Variants in ABHD2 observed in about 807,000 individuals in gnomAD.
The protein encoded by ABHD2 is abhydrolase domain containing 2, acylglycerol lipase, also known as monoacylglycerol lipase ABHD2.
ABHD2 carries 20 observed loss-of-function variants against 48.1 expected under a neutral mutation model. The observed-to-expected ratio is 0.42, with a 90% CI of 0.29 to 0.60. ABHD2 has a LOEUF of 0.60. Ranked by LOEUF, ABHD2 falls within the 20% of genes least tolerant of loss-of-function variation. The probability of loss-of-function intolerance (pLI) is 0.24; values close to 1 mark genes in which losing one functional copy is unlikely to be tolerated. For synonymous variants in ABHD2, 209 were observed against 214.2 expected (o/e 0.98, Z 0.21); for missense variants, 405 against 550.9 (o/e 0.74, Z 2.65).
chr15:89,147,269 AG>A (rs2050507771), intron 3 of ABHD2, among the ~76,000 whole-genome samples: 1 of 152,122 alleles, frequency 6.6e-6, no homozygotes, highest in South Asian at 2.1e-4. Flanking sequence ...AGTGGATTTA[AG>A]GTTAATACAT....
At chr15:89,068,157 C>T in the ABHD2 span, among the ~76,000 whole-genome samples, 1 of 151,176 alleles carries the variant, frequency 6.6e-6, no homozygotes, top group African/African-American at 2.4e-5. Context: ...TTTATAGGGC[C>T]CAAGGGAGAA....
chr15:89,183,382 AAAATATAT>A (rs1490764418), intron 6 of ABHD2: 1,261 of 55,146 alleles, frequency 0.023, 4 homozygotes, highest in Non-Finnish European at 0.028. Flanking sequence ...AAAAAAAAAA[AAAATATAT>A]ATATATATAT....
intron 3 of ABHD2, among the ~76,000 whole-genome samples, chr15:89,128,359 C>G (rs985745785): frequency 2.0e-5 from 3 of 152,120 alleles, no homozygotes; most frequent in African/African-American, 7.2e-5. Context: ...GCTTTGCTGC[C>G]CAGGCCAACA....
At position 89,167,322 on chromosome 15, in the gene ABHD2, T is replaced by C. The variant is rs1399199859; in HGVS notation, c.539-8490T>C. Among the ~76,000 whole-genome samples, 1 of 152,140 alleles carries C rather than the reference T, an allele frequency of 6.6e-6. No homozygotes were observed. The highest frequency in any genetic ancestry group is 1.5e-5 in the Non-Finnish European group (1 of 68,028). On this transcript the variant is annotated intron_variant, in intron 5 of 10. Coordinates refer to ENST00000352732, the MANE Select transcript of ABHD2 (RefSeq NM_152924.5). This position sits in a 1 kb window ranked among gnomAD's most constrained non-coding sequence, Gnocchi z 5.5. ...TGCATTAAACAGTTGAGTTTTATAA[T>C]GGCAGAAGGGCACAATGGGAAGGGA...
chr15:89,183,384 A>AAAAAAATATAT (rs61602174), intron 6 of ABHD2: 25 of 46,260 alleles, frequency 5.4e-4, no homozygotes, highest in South Asian at 9.1e-4. Flanking sequence ...AAAAAAAAAA[A>AAAAAAATATAT]ATATATATAT....
rs1404948761 is a variant in ABHD2 at position 89,094,012 on chromosome 15, T to C, written c.-107+5449T>C. On this transcript the variant is annotated intron_variant, in intron 1 of 10. Coordinates refer to ENST00000352732, the MANE Select transcript of ABHD2 (RefSeq NM_152924.5). The surrounding 1 kb of genome is among the most constrained non-coding windows in gnomAD (Gnocchi z 4.7). ...AGTCTGGTTTAGAGCCACCTGGAAA[T>C]TGAATGGAATCTTTAGTCTATTAGT... 1 of 152,218 alleles carries C rather than the reference T, an allele frequency of 6.6e-6. No individual in the cohort carries two copies. Among genetic ancestry groups the C allele is most frequent in the Non-Finnish European group, 1.5e-5 (1 of 68,044 alleles). The allele number at this position is 152,218 out of a possible 1,614,324, so 9.4% of individuals were successfully genotyped here.
chr15:89,113,794 G>A lies in ABHD2; in HGVS notation c.-37G>A, dbSNP rs926625122. On this transcript the variant is annotated 5_prime_UTR_variant, in exon 2 of 11. Coordinates refer to ENST00000352732, the MANE Select transcript of ABHD2 (RefSeq NM_152924.5). ...CTGTACAACTCTTCAAGGAAAATTCGTATTTGCAGTGGGAAGAATAAGTAA... is the reference window on the plus strand; with the variant it reads ...CTGTACAACTCTTCAAGGAAAATTCATATTTGCAGTGGGAAGAATAAGTAA... The A allele has an allele frequency of 6.6e-5, 10 of 152,160 alleles. No individual in the cohort carries two copies. Among genetic ancestry groups the A allele is most frequent in the African/African-American group, 2.2e-4 (9 of 41,426 alleles). The allele number at this position is 152,160 out of a possible 1,614,324, so 9.4% of individuals were successfully genotyped here.
intron 3 of ABHD2, among the ~76,000 whole-genome samples, chr15:89,147,502 C>T (rs945498597): frequency 7.3e-5 from 11 of 151,286 alleles, no homozygotes; most frequent in Non-Finnish European, 1.5e-4. Context: ...TACAGGTGCC[C>T]GCCACCACGC....
At position 89,201,959 on chromosome 15, in the gene ABHD2, AGAG is replaced by A; in HGVS notation, c.*6537_*6539del. On this transcript the variant is annotated 3_prime_UTR_variant, in exon 11 of 11. Transcript: ENST00000352732. ...CAGATCTGCTTCCAGATTGATTTTT[AGAG>A]CACCATCACTTTCACATTCCTGATT... 1.4e-5 allele frequency: 7 copies of A among 494,048 alleles called. No homozygotes were observed. Among genetic ancestry groups the A allele is most frequent in the Admixed American group, 3.8e-5 (1 of 26,044 alleles). The allele number at this position is 494,048 out of a possible 1,614,324, so 30.6% of individuals were successfully genotyped here.
chr15:89,188,748 A>G lies in ABHD2; in HGVS notation c.926+445A>G, dbSNP rs1179084187. Among the ~76,000 whole-genome samples the G allele has an allele frequency of 1.3e-5, 2 of 152,116 alleles. No homozygotes were observed. The highest frequency in any genetic ancestry group is 2.1e-4 in the South Asian group (1 of 4,826). ...AAAAACTGGCTGGGGGCAGTGTCTC[A>G]TGCCTGTAATCCTAGGAGGATTTGG... On this transcript the variant is annotated intron_variant, in intron 8 of 10. Transcript: ENST00000352732. The surrounding 1 kb of genome is among the most constrained non-coding windows in gnomAD (Gnocchi z 4.1).
In ABHD2 at chr15:89,173,421, A is replaced by G. The variant is rs61288468; in HGVS notation, c.539-2391A>G. Among the ~76,000 whole-genome samples, 517 of 152,196 alleles carry G rather than the reference A, an allele frequency of 3.4e-3. 2 individuals are homozygous for G. The highest frequency in any genetic ancestry group is 0.012 in the African/African-American group (479 of 41,520). On this transcript the variant is annotated intron_variant, in intron 5 of 10. Coordinates refer to ENST00000352732, the MANE Select transcript of ABHD2 (RefSeq NM_152924.5). The surrounding 1 kb of genome is among the most constrained non-coding windows in gnomAD (Gnocchi z 6.5). ...AACCCTGTCTCTACTAAAAATACAA[A>G]AATTAGCTGGACATGGTGGCACATG...
chr15:89,173,902 C>T lies in ABHD2; in HGVS notation c.539-1910C>T, dbSNP rs993852800. Among the ~76,000 whole-genome samples the T allele has an allele frequency of 3.9e-5, 6 of 152,166 alleles. No homozygotes were observed. Among genetic ancestry groups the T allele is most frequent in the Non-Finnish European group, 5.9e-5 (4 of 68,012 alleles). ...GGTCCTGCTGTTTGGGAGGAAGCAG[C>T]TCTTGGCCCGGTTTTTCCCTTAGTT... On this transcript the variant is annotated intron_variant, in intron 5 of 10. Coordinates refer to ENST00000352732, the MANE Select transcript of ABHD2 (RefSeq NM_152924.5). This position sits in a 1 kb window ranked among gnomAD's most constrained non-coding sequence, Gnocchi z 6.5.
At position 89,201,826 on chromosome 15, in the gene ABHD2, G is replaced by A. The variant is rs1042812633; in HGVS notation, c.*6403G>A. The A allele has an allele frequency of 3.0e-5, 36 of 1,205,316 alleles. No individual in the cohort carries two copies. Among genetic ancestry groups the A allele is most frequent in the Non-Finnish European group, 3.7e-5 (31 of 840,316 alleles). 74.7% of individuals were successfully genotyped at this position (1,205,316 alleles called of 1,614,324 possible). A position where few individuals can be genotyped will look rare whatever the true frequency, so the allele number is the denominator to read the frequency against. Reference sequence around the variant, plus strand: ...ATTGGAGAGACAGCGCAGAGCAGGGGGCGGCTTGCTCGCTGGGGGCGGGGG... The same window carrying A: ...ATTGGAGAGACAGCGCAGAGCAGGGAGCGGCTTGCTCGCTGGGGGCGGGGG... On this transcript the variant is annotated 3_prime_UTR_variant, in exon 11 of 11. Coordinates refer to ENST00000352732, the MANE Select transcript of ABHD2 (RefSeq NM_152924.5).
chr15:89,194,961 C>T (rs1429758260), intron 10 of ABHD2, among the ~76,000 whole-genome samples: 6 of 152,276 alleles, frequency 3.9e-5, no homozygotes, highest in South Asian at 4.1e-4. Flanking sequence ...AATATGCAGC[C>T]GAGTTTGAGA....
chr15:89,101,418 G>A (rs75789997), intron 1 of ABHD2, among the ~76,000 whole-genome samples: 177 of 152,288 alleles, frequency 1.2e-3, no homozygotes, highest in Middle Eastern at 3.4e-3. Context: ...CAGTGGCGTG[G>A]CAATTACTCA....
the ABHD2 span, among the ~76,000 whole-genome samples, chr15:89,062,018 G>A: frequency 6.6e-6 from 1 of 152,180 alleles, no homozygotes; most frequent in African/African-American, 2.4e-5. Flanking sequence ...TTGCAGTGAG[G>A]GAACAGTAGG....
chr15:89,202,035 C>T lies in ABHD2; in HGVS notation c.*6612C>T. On this transcript the variant is annotated 3_prime_UTR_variant, in exon 11 of 11. Coordinates refer to ENST00000352732, the MANE Select transcript of ABHD2 (RefSeq NM_152924.5). ...GGGTTTTCTGAAACTTAAAATGCTG[C>T]CCCGAAAATACTATATTTTTGAGTT... 2.6e-6 allele frequency: 1 copy of T among 388,796 alleles called. No homozygotes were observed. The highest frequency in any genetic ancestry group is 4.7e-6 in the Non-Finnish European group (1 of 214,532). 24.1% of individuals were successfully genotyped at this position (388,796 alleles called of 1,614,324 possible). A position where few individuals can be genotyped will look rare whatever the true frequency, so the allele number is the denominator to read the frequency against.
At chr15:89,077,652 A>T in the ABHD2 span, among the ~76,000 whole-genome samples, 56,935 of 151,988 alleles carry the variant, frequency 0.37, 11,646 homozygotes, top group Non-Finnish European at 0.47. Context: ...TTAAATATTT[A>T]AAAAAATCTA....
rs2051168723 is a variant in ABHD2, at chr15:89,184,298, T to G, written c.723-1126T>G. Among the ~76,000 whole-genome samples, 1 of 152,100 alleles carries G rather than the reference T, an allele frequency of 6.6e-6. No homozygotes were observed. Among genetic ancestry groups the G allele is most frequent in the Non-Finnish European group, 1.5e-5 (1 of 68,026 alleles). On this transcript the variant is annotated intron_variant, in intron 6 of 10. Transcript: ENST00000352732. The surrounding 1 kb of genome is among the most constrained non-coding windows in gnomAD (Gnocchi z 5.1). Reference sequence around the variant, plus strand: ...GGGAAATTACTTTTATAAAATTACTTTTATAAACTCCCTGGATTGAAAAAA... The same window carrying G: ...GGGAAATTACTTTTATAAAATTACTGTTATAAACTCCCTGGATTGAAAAAA...
Sources: allele counts gnomAD v4.1 joint callset (sites outside exome capture counted in the v4.1 genomes callset), GRCh38; gene constraint gnomAD v4.1.1; non-coding constraint Gnocchi (gnomAD v3.1); transcripts MANE v1.5; gene names NCBI Gene and HGNC (gene_info 2026-07-23, HGNC 2026-07-21).